Variants in AFF2 observed in about 807,000 individuals in gnomAD.
AFF2 encodes the protein AF4/FMR2 family member 2.
AFF2 carries 14 observed loss-of-function variants against 76.9 expected under a neutral mutation model. That is an observed-to-expected ratio of 0.18 (90% CI 0.12 to 0.28). The LOEUF (loss-of-function observed/expected upper bound fraction) is 0.28. Ranked by LOEUF, AFF2 falls within the 10% of genes least tolerant of loss-of-function variation. AFF2 has a pLI of 1.00. For missense variants in AFF2, 868 were observed against 1,001.1 expected, an observed-to-expected ratio of 0.87 and a Z score of 1.79; for synonymous variants, 398 against 366.7, an observed-to-expected ratio of 1.09 and a Z score of -0.98.
chrX:148,812,224 A>T (rs781849014), intron 4 of AFF2, among the ~76,000 whole-genome samples: 2 of 111,501 alleles, frequency 1.8e-5, no homozygotes, highest in African/African-American at 6.5e-5. Context: ...GAGGCCTGTG[A>T]CGGGTTCCGC....
At chrX:148,879,157 A>T (rs2071068271) in intron 7 of AFF2, among the ~76,000 whole-genome samples, 1 of 111,864 alleles carries the variant, frequency 8.9e-6, no homozygotes, top group African/African-American at 3.2e-5. Flanking sequence ...AAGGATAGTT[A>T]CTCTACTATT....
chrX:148,527,228 A>G (rs1198457707), intron 1 of AFF2, among the ~76,000 whole-genome samples: 1 of 112,045 alleles, frequency 8.9e-6, no homozygotes, highest in Non-Finnish European at 1.9e-5. Flanking sequence ...TTCTGCCAAT[A>G]GTACATAATC....
At chrX:148,937,350 A>G (rs1180415802) in intron 9 of AFF2, among the ~76,000 whole-genome samples, 1 of 112,117 alleles carries the variant, frequency 8.9e-6, no homozygotes, top group Non-Finnish European at 1.9e-5. Flanking sequence ...TTTTTCCCCC[A>G]TATATATCTT....
At chrX:148,967,772 A>G (rs2072199377) in intron 15 of AFF2, 80 bp downstream of exon 15, 2 of 982,531 alleles carry the variant, frequency 2.0e-6, no homozygotes, top group South Asian at 2.2e-5. Context: ...ACTTTTCCAA[A>G]CAAATTTTCA....
chrX:148,983,953 C>CAAAAAAAA lies in AFF2; in HGVS notation c.3623+3171_3623+3178dup, dbSNP rs56767828. Among the ~76,000 whole-genome samples, 11 of 29,125 alleles carry CAAAAAAAA rather than the reference C, an allele frequency of 3.8e-4. 1 individual carries two copies. The highest frequency in any genetic ancestry group is 1.2e-3 in the African/African-American group (10 of 8,680). The allele number at this position is 29,125 out of a possible 115,157, so 25.3% of individuals were successfully genotyped here. ...GAAGTATGGCACAGAGTGAAATAGA[C>CAAAAAAAA]AAAAAAAAAAAAAAACTGCCCTCAT... On this transcript the variant is annotated intron_variant, in intron 19 of 20. Coordinates refer to ENST00000370460, the MANE Select transcript of AFF2 (RefSeq NM_002025.4).
intron 1 of AFF2, among the ~76,000 whole-genome samples, chrX:148,597,904 C>T (rs1443911249): frequency 2.7e-5 from 3 of 112,035 alleles, no homozygotes; most frequent in Non-Finnish European, 3.8e-5. Context: ...GGAAATGGCT[C>T]GCTGCGGTAT....
At chrX:148,829,512 C>T (rs1309840809) in intron 4 of AFF2, among the ~76,000 whole-genome samples, 4 of 111,766 alleles carry the variant, frequency 3.6e-5, no homozygotes, top group African/African-American at 1.3e-4. Context: ...ACAATAGGCT[C>T]CCCTCAGCAT....
chrX:148,890,053 A>C (rs190793558), intron 8 of AFF2, among the ~76,000 whole-genome samples: 135 of 112,180 alleles, frequency 1.2e-3, no homozygotes, highest in African/African-American at 4.2e-3. Context: ...TCTTGTAAGG[A>C]ATGGGATGTT....
At chrX:148,593,003 C>A (rs1330453399) in intron 1 of AFF2, among the ~76,000 whole-genome samples, 1 of 111,794 alleles carries the variant, frequency 8.9e-6, no homozygotes, top group East Asian at 2.8e-4. Context: ...TAATTTAGTT[C>A]AGAACCTCAG....
At chrX:148,855,763 G>A (rs2070780203) in intron 7 of AFF2, among the ~76,000 whole-genome samples, 1 of 111,582 alleles carries the variant, frequency 9.0e-6, no homozygotes, top group Non-Finnish European at 1.9e-5. Context: ...TTAGCCATGT[G>A]ATCTTGGTCA....
At chrX:148,882,113 A>G (rs1433282190) in intron 7 of AFF2, among the ~76,000 whole-genome samples, 3 of 111,267 alleles carry the variant, frequency 2.7e-5, no homozygotes, top group African/African-American at 9.8e-5. Context: ...GCATTCCACT[A>G]TGTAAATTGG....
rs782804418 is a variant in AFF2 at position 148,953,722 on chromosome X, C to T, written c.1540C>T (p.Arg514Cys). ...TTDSESNEAP[R>C]VATPEPEPPS... ...TGACAGCGAATCTAATGAGGCACCT[C>T]GTGTGGCAACTCCAGAGGTGAGTGA... Residue 514 changes from arginine (R) to cysteine (C), a missense_variant, in exon 10 of 21, where the codon CGT becomes TGT. Transcript: ENST00000370460. 6.6e-6 allele frequency: 8 copies of T among 1,206,372 alleles called. No homozygotes were observed. The highest frequency in any genetic ancestry group is 2.3e-4 in the Middle Eastern group (1 of 4,366).
At position 148,836,912 on chromosome X, in the gene AFF2, A is replaced by G. The variant is rs372426178; in HGVS notation, c.1087-735A>G. Among the ~76,000 whole-genome samples, 45 of 112,219 alleles carry G rather than the reference A, an allele frequency of 4.0e-4. No individual in the cohort carries two copies. In the South Asian group the frequency reaches 0.016, roughly 39 times the overall value. ...CTGTCTATGTGTATGGCTGTGTGGA[A>G]CCGAGCTACCAATCACATAGTAACC... is the stretch of plus-strand genomic sequence containing the variant. On this transcript the variant is annotated intron_variant, in intron 4 of 20. Transcript: ENST00000370460.
chrX:148,675,649 T>TTTCC (rs1237388825), intron 3 of AFF2, among the ~76,000 whole-genome samples: 1 of 109,167 alleles, frequency 9.2e-6, no homozygotes, highest in Non-Finnish European at 1.9e-5. Flanking sequence ...GGGAAGCTGA[T>TTTCC]TTCCTCTGGG....
chrX:148,913,613 G>A (rs1238988684), intron 9 of AFF2, among the ~76,000 whole-genome samples: 1 of 111,994 alleles, frequency 8.9e-6, no homozygotes, highest in East Asian at 2.8e-4. Flanking sequence ...TGGTGAATCT[G>A]ATGGACCTCA....
rs1005983371 is a variant in AFF2, at chrX:148,742,190, A to T, written c.1042-67686A>T. Among the ~76,000 whole-genome samples, 25 of 112,402 alleles carry T rather than the reference A, an allele frequency of 2.2e-4. 2 individuals are homozygous for T. Among genetic ancestry groups the T allele is most frequent in the Admixed American group, 2.1e-3 (22 of 10,635 alleles). ...TGATCCCCACAAGTAAGTTTCAAGT[A>T]GTGTCCATGAGTTACAATCAAGATG... On this transcript the variant is annotated intron_variant, in intron 3 of 20. Transcript: ENST00000370460.
chrX:148,643,948 A>G (rs2054115688), intron 1 of AFF2, among the ~76,000 whole-genome samples: 1 of 111,858 alleles, frequency 8.9e-6, no homozygotes, highest in South Asian at 3.7e-4. Context: ...TGATATGCTG[A>G]ATACTGCTGC....
At position 148,833,870 on chromosome X, in the gene AFF2, A is replaced by G. The variant is rs141616444; in HGVS notation, c.1087-3777A>G. ...GACAACATACTAGTTACTTGAGATA[A>G]CAGCTATTCAGGTAGCTGTGTGTTA... On this transcript the variant is annotated intron_variant, in intron 4 of 20. Transcript: ENST00000370460. Among the ~76,000 whole-genome samples the G allele has an allele frequency of 6.6e-3, 741 of 111,925 alleles. 7 individuals carry two copies. Among genetic ancestry groups the G allele is most frequent in the African/African-American group, 0.023 (715 of 30,781 alleles).
chrX:148,775,413 A>G (rs1189213907), intron 3 of AFF2, among the ~76,000 whole-genome samples: 1 of 112,157 alleles, frequency 8.9e-6, no homozygotes, highest in Non-Finnish European at 1.9e-5. Flanking sequence ...AACTTTTCAC[A>G]TTAAATCTGT....
Sources: gnomAD v4.1 joint callset for allele counts (sites outside exome capture counted in the v4.1 genomes callset) on GRCh38, gnomAD v4.1.1 for gene constraint, MANE v1.5 for transcripts, NCBI Gene and HGNC (gene_info 2026-07-23, HGNC 2026-07-21) for gene names.